Variants in WWOX observed in about 807,000 individuals in gnomAD.
WWOX encodes the protein WW domain containing oxidoreductase.
Under a neutral mutation model 46.2 loss-of-function variants are expected in WWOX, and 69 were observed. The observed-to-expected ratio is 1.49, with a 90% CI of 1.23 to 1.82. WWOX has a LOEUF of 1.82. Ranked by LOEUF, WWOX falls within the 40% of genes most tolerant of loss-of-function variation. The pLI is 0.00. For missense variants in WWOX, 919 were observed against 542.6 expected, an observed-to-expected ratio of 1.69 and a Z score of -6.89; for synonymous variants, 359 against 202.6, an observed-to-expected ratio of 1.77 and a Z score of -6.56.
chr16:78,439,494 G>T (rs2083401358), intron 8 of WWOX, among the ~76,000 whole-genome samples: 1 of 152,140 alleles, frequency 6.6e-6, no homozygotes, highest in Admixed American at 6.5e-5. Context: ...ACGTCATTAT[G>T]TCCAAAGCTT....
intron 8 of WWOX, among the ~76,000 whole-genome samples, chr16:78,970,570 G>A (rs1312146293): frequency 6.6e-6 from 1 of 152,224 alleles, no homozygotes; most frequent in Non-Finnish European, 1.5e-5. Context: ...TATGGAAGTG[G>A]AAGAGTAAGA....
intron 6 of WWOX, among the ~76,000 whole-genome samples, chr16:78,410,925 C>G (rs1436721828): frequency 1.3e-5 from 2 of 151,260 alleles, no homozygotes; most frequent in Non-Finnish European, 2.9e-5. Context: ...GAGCATTAAA[C>G]TGAAAGCTAT....
intron 8 of WWOX, among the ~76,000 whole-genome samples, chr16:78,740,578 G>C (rs1238996645): frequency 1.3e-5 from 2 of 152,182 alleles, no homozygotes; most frequent in African/African-American, 4.8e-5. Flanking sequence ...GGTGTGCAGA[G>C]AGCACTCGTC....
chr16:79,172,851 C>G (rs1253040302), intron 8 of WWOX, among the ~76,000 whole-genome samples: 1 of 126,414 alleles, frequency 7.9e-6, no homozygotes, highest in Non-Finnish European at 1.6e-5. Context: ...TATAGACTAC[C>G]TGCAAAAAGA....
At chr16:79,091,779 G>GTT (rs11329411) in intron 8 of WWOX, among the ~76,000 whole-genome samples, 2,959 of 109,132 alleles carry the variant, frequency 0.027, 303 homozygotes, top group African/African-American at 0.096. Context: ...TCTTTTCTTT[G>GTT]TTTTTTTTTT....
At chr16:78,988,310 C>G (rs939801903) in intron 8 of WWOX, among the ~76,000 whole-genome samples, 9 of 150,164 alleles carry the variant, frequency 6.0e-5, no homozygotes, top group African/African-American at 2.0e-4. Context: ...CGCTATTGCA[C>G]TCCAGCCCAG....
intron 4 of WWOX, among the ~76,000 whole-genome samples, chr16:78,151,594 T>C (rs1277620637): frequency 6.6e-6 from 1 of 152,160 alleles, no homozygotes; most frequent in Non-Finnish European, 1.5e-5. Context: ...AATACCTTGT[T>C]TGGAATAGGA....
At chr16:79,118,452 T>C (rs772945070) in intron 8 of WWOX, among the ~76,000 whole-genome samples, 18 of 152,140 alleles carry the variant, frequency 1.2e-4, no homozygotes, top group Non-Finnish European at 2.6e-4. Context: ...GTAAGAATTA[T>C]CAAAATGTGA....
intron 5 of WWOX, among the ~76,000 whole-genome samples, chr16:78,371,782 G>C (rs1008159611): frequency 2.6e-5 from 4 of 151,004 alleles, no homozygotes; most frequent in African/African-American, 9.7e-5. Flanking sequence ...TGTTCCTGAT[G>C]TTTTTCTTTA....
chr16:79,158,756 A>G (rs898339561), intron 8 of WWOX, among the ~76,000 whole-genome samples: 1 of 152,220 alleles, frequency 6.6e-6, no homozygotes, highest in African/African-American at 2.4e-5. Flanking sequence ...TCTCCAGTCT[A>G]AAGAAGCCAC....
chr16:79,054,296 C>T (rs1261067608), intron 8 of WWOX, among the ~76,000 whole-genome samples: 1 of 152,142 alleles, frequency 6.6e-6, no homozygotes, highest in African/African-American at 2.4e-5. Flanking sequence ...TTTAGTTAGG[C>T]CCGCAAAACA....
rs566451209 is a variant in WWOX, at chr16:78,952,701, A to G, written c.1057-258907A>G. Among the ~76,000 whole-genome samples, 11 of 151,996 alleles carry G rather than the reference A, an allele frequency of 7.2e-5. No homozygotes were observed. The South Asian group carries it at 2.3e-3, about 32-fold the overall frequency. On this transcript the variant is annotated intron_variant, in intron 8 of 8. Transcript: ENST00000566780. ...ACCTGGCCTGTTTTTGTGTTTGTTT[A>G]TTAATTCCTATTTTTCCCACCTGAC... is the stretch of plus-strand genomic sequence containing the variant.
intron 8 of WWOX, among the ~76,000 whole-genome samples, chr16:78,830,884 A>G (rs1013640018): frequency 1.4e-4 from 21 of 152,022 alleles, no homozygotes; most frequent in Admixed American, 6.6e-4. Flanking sequence ...CTTACCCTCT[A>G]TAGCCATCAG....
intron 8 of WWOX, among the ~76,000 whole-genome samples, chr16:78,917,803 C>A (rs2045286838): frequency 6.6e-6 from 1 of 151,932 alleles, no homozygotes; most frequent in Middle Eastern, 3.2e-3. Flanking sequence ...TTGAGAAAAA[C>A]CCGTATTGTG....
chr16:78,586,523 T>A (rs2045212994), intron 8 of WWOX, among the ~76,000 whole-genome samples: 2 of 152,228 alleles, frequency 1.3e-5, no homozygotes, highest in African/African-American at 2.4e-5. Flanking sequence ...ATTGTCTAAT[T>A]GAATTCTCCA....
At chr16:78,694,168 G>A (rs562815435) in intron 8 of WWOX, among the ~76,000 whole-genome samples, 15 of 152,182 alleles carry the variant, frequency 9.9e-5, no homozygotes, top group Middle Eastern at 3.4e-3. Flanking sequence ...AGCTGAGATC[G>A]CACTACTTCA....
intron 8 of WWOX, among the ~76,000 whole-genome samples, chr16:78,483,849 C>T (rs2084560706): frequency 6.6e-6 from 1 of 152,120 alleles, no homozygotes; most frequent in Non-Finnish European, 1.5e-5. Flanking sequence ...GAGCCAGCAT[C>T]ATGATGCAAG....
intron 8 of WWOX, among the ~76,000 whole-genome samples, chr16:78,710,211 G>T (rs553507734): frequency 1.6e-4 from 25 of 151,788 alleles, no homozygotes; most frequent in African/African-American, 5.3e-4. Flanking sequence ...ACCCAGTGGC[G>T]TGCACACTTG....
chr16:79,116,523 T>C (rs746300024), intron 8 of WWOX, among the ~76,000 whole-genome samples: 1 of 152,206 alleles, frequency 6.6e-6, no homozygotes, highest in Non-Finnish European at 1.5e-5. Flanking sequence ...TCACTTTCTT[T>C]GCTCATCTCT....
Sources: gnomAD v4.1 joint callset for allele counts (sites outside exome capture counted in the v4.1 genomes callset) on GRCh38, gnomAD v4.1.1 for gene constraint, MANE v1.5 for transcripts, NCBI Gene and HGNC (gene_info 2026-07-23, HGNC 2026-07-21) for gene names.